Variants in SEMA6A observed in about 807,000 individuals in gnomAD.
SEMA6A encodes the protein semaphorin 6A.
Under a neutral mutation model 96.8 loss-of-function variants are expected in SEMA6A, and 25 were observed. That is an observed-to-expected ratio of 0.26 (90% CI 0.19 to 0.36). The LOEUF (loss-of-function observed/expected upper bound fraction) is 0.36, where lower values mean the gene tolerates loss of function less well. Ranked by LOEUF, SEMA6A falls within the 10% of genes least tolerant of loss-of-function variation. The probability of loss-of-function intolerance (pLI) is 1.00; values close to 1 mark genes in which losing one functional copy is unlikely to be tolerated. For missense variants in SEMA6A, 1,363 were observed against 1,323.1 expected (o/e 1.03, Z -0.47); for synonymous variants, 612 against 518.0 (o/e 1.18, Z -2.46).
At chr5:116,470,556 A>T (rs1271895387) in intron 17 of SEMA6A, among the ~76,000 whole-genome samples, 2 of 152,224 alleles carry the variant, frequency 1.3e-5, no homozygotes, top group Non-Finnish European at 2.9e-5. Flanking sequence ...CTAACCTATT[A>T]ACAATGTTTG....
chr5:116,491,796 C>A lies in SEMA6A; in HGVS notation c.479G>T (p.Ser160Ile). 1 of 1,613,706 alleles carries A rather than the reference C, an allele frequency of 6.2e-7. No homozygotes were observed. The highest frequency in any genetic ancestry group is 8.5e-7 in the Non-Finnish European group (1 of 1,179,652). Residue 160 changes from serine (S) to isoleucine (I), a missense_variant, in exon 7 of 19, where the codon AGC becomes ATC. By Grantham distance (142) the Ser-to-Ile change is moderately radical. Coordinates refer to ENST00000343348, the MANE Select transcript of SEMA6A (RefSeq NM_020796.5). The stretch of plus-strand genomic sequence containing the variant: ...ATCATATGGGCATCTGGCCATTCCG[C>A]TGAATTCATCCCCGAATGGTTCCAA... Reference protein sequence around the residue: ...DTLEPFGDEFSGMARCPYDAK... With the variant: ...DTLEPFGDEFIGMARCPYDAK...
intron 1 of SEMA6A, among the ~76,000 whole-genome samples, chr5:116,532,298 G>A (rs1239792667): frequency 1.3e-5 from 2 of 152,100 alleles, no homozygotes; most frequent in Non-Finnish European, 1.5e-5. Context: ...AAGCAACTGG[G>A]GGCCTTCGGT....
intron 17 of SEMA6A, chr5:116,471,050 T>C (rs1756105465): frequency 6.6e-6 from 1 of 152,196 alleles, no homozygotes; most frequent in Admixed American, 6.5e-5. Context: ...TTTTAAAAAG[T>C]TGCCAATATT....
In SEMA6A at chr5:116,488,987, T is replaced by C. The variant is rs1238187753; in HGVS notation, c.556A>G (p.Thr186Ala). Residue 186 changes from threonine to alanine, a missense_variant, in exon 8 of 19, where the codon ACA becomes GCA. Physicochemically the swap from Thr to Ala is moderately conservative, Grantham distance 58 (BLOSUM62 0). Transcript: ENST00000343348. ...TCAATGGCAAGGAAGTCAGTCACTG[T>C]GGCTGAGTATAGTTTTCCATCTTAG... ...LFADGKLYSA[T>A]VTDFLAIDAV... 5.1e-6 allele frequency: 8 copies of C among 1,573,618 alleles called. No individual in the cohort carries two copies. In the Admixed American group the frequency reaches 1.5e-4, roughly 29 times the overall value.
chr5:116,473,063 T>C lies in SEMA6A; in HGVS notation c.1729+10A>G. ...CCAGTATGGAATTATGAGAGTAATA[T>C]CTTCCTTACCATTCAGTGCCACAAA... On this transcript the variant is annotated intron_variant, in intron 17 of 18. Transcript: ENST00000343348. The C allele has an allele frequency of 6.3e-7, 1 of 1,591,700 alleles. No homozygotes were observed. The highest frequency in any genetic ancestry group is 1.3e-5 in the African/African-American group (1 of 74,730).
intron 18 of SEMA6A, among the ~76,000 whole-genome samples, chr5:116,457,818 A>G (rs1212662736): frequency 1.3e-5 from 2 of 152,182 alleles, no homozygotes; most frequent in Non-Finnish European, 2.9e-5. Flanking sequence ...AGAGAAGCCC[A>G]TACACTTTGC....
chr5:116,528,823 C>A (rs1759341144), intron 1 of SEMA6A, among the ~76,000 whole-genome samples: 1 of 152,154 alleles, frequency 6.6e-6, no homozygotes, highest in African/African-American at 2.4e-5. Context: ...TTATATCCAG[C>A]CTGATAATCA....
chr5:116,542,594 A>T (rs1760017501), intron 1 of SEMA6A, among the ~76,000 whole-genome samples: 1 of 152,240 alleles, frequency 6.6e-6, no homozygotes, highest in Non-Finnish European at 1.5e-5. Context: ...CAAAATTTAG[A>T]AACCCAAAAA....
At chr5:116,514,078 A>T (rs756544131) in intron 1 of SEMA6A, among the ~76,000 whole-genome samples, 1 of 152,188 alleles carries the variant, frequency 6.6e-6, no homozygotes, top group Admixed American at 6.5e-5. Flanking sequence ...GAACAATAGC[A>T]GTGCTGCACT....
At chr5:116,534,225 C>T (rs769731400) in intron 1 of SEMA6A, among the ~76,000 whole-genome samples, 1 of 152,216 alleles carries the variant, frequency 6.6e-6, no homozygotes, top group Non-Finnish European at 1.5e-5. Flanking sequence ...TTGATTCTTC[C>T]TAAATTTAAC....
At position 116,447,700 on chromosome 5, in the gene SEMA6A, G is replaced by A; in HGVS notation, c.2006C>T (p.Thr669Ile). Residue 669 changes from threonine to isoleucine, a missense_variant, in exon 19 of 19, where the codon ACC becomes ATC. Physicochemically the swap from Thr to Ile is moderately conservative, Grantham distance 89. Around this residue, in one of 2 missense-constraint regions of SEMA6A, gnomAD observed 883 missense variants for 763.6 expected, o/e 1.16. Coordinates refer to ENST00000343348, the MANE Select transcript of SEMA6A (RefSeq NM_020796.5). ...FVMGAVFSGITVYCVCDHRRK... is the reference protein window; with the variant it reads ...FVMGAVFSGIIVYCVCDHRRK... ...CCGATGATCACAGACGCAGTAGACG[G>A]TGATGCCCGAGAAGACGGCCCCCAT... 3.7e-6 allele frequency: 6 copies of A among 1,614,008 alleles called. No individual in the cohort carries two copies. Among genetic ancestry groups the A allele is most frequent in the Non-Finnish European group, 4.2e-6 (5 of 1,179,882 alleles).
At chr5:116,470,000 A>G (rs1361811002) in intron 17 of SEMA6A, among the ~76,000 whole-genome samples, 2 of 152,192 alleles carry the variant, frequency 1.3e-5, no homozygotes, top group East Asian at 3.8e-4. Context: ...GATTTACTGG[A>G]AAGAAAAAAC....
intron 18 of SEMA6A, among the ~76,000 whole-genome samples, chr5:116,463,603 TTC>T (rs1475873309): frequency 2.6e-5 from 4 of 152,344 alleles, no homozygotes; most frequent in Admixed American, 2.6e-4. Context: ...CTAATTTAAA[TTC>T]TGTTTCTGTA....
At chr5:116,570,118 TC>T (rs1761149944) in intron 1 of SEMA6A, among the ~76,000 whole-genome samples, 1 of 152,214 alleles carries the variant, frequency 6.6e-6, no homozygotes, top group Non-Finnish European at 1.5e-5. Flanking sequence ...CCTGAACTCC[TC>T]CCCTTGAGGT....
At chr5:116,470,961 A>G (rs1476547317) in intron 17 of SEMA6A, among the ~76,000 whole-genome samples, 2 of 152,214 alleles carry the variant, frequency 1.3e-5, no homozygotes, top group African/African-American at 4.8e-5. Flanking sequence ...TAGTTGCTCA[A>G]CAAGTATTTG....
chr5:116,462,832 T>C (rs900687385), intron 18 of SEMA6A, among the ~76,000 whole-genome samples: 3 of 152,204 alleles, frequency 2.0e-5, no homozygotes, highest in Admixed American at 6.5e-5. Context: ...GTCATTCAAC[T>C]ACCAATACTA....
chr5:116,538,987 G>T (rs554473648), intron 1 of SEMA6A, among the ~76,000 whole-genome samples: 1 of 152,078 alleles, frequency 6.6e-6, no homozygotes, highest in East Asian at 1.9e-4. Context: ...ATTTTTCACT[G>T]GAAGTAATTC....
chr5:116,512,397 C>CA (rs1438788091), intron 1 of SEMA6A, among the ~76,000 whole-genome samples: 1 of 152,126 alleles, frequency 6.6e-6, no homozygotes, highest in Non-Finnish European at 1.5e-5. Flanking sequence ...GACATAAAAG[C>CA]ACCCATTTTG....
Position 116,486,790 on chromosome 5 carries a change from C to T in SEMA6A, c.921G>A (p.Gly307=), listed in dbSNP as rs1380578570. 6.2e-7 allele frequency: 1 copy of T among 1,613,734 alleles called. No individual in the cohort carries two copies. Among genetic ancestry groups the T allele is most frequent in the Admixed American group, 1.7e-5 (1 of 59,996 alleles). Residue 307 remains glycine (G), a synonymous_variant, in exon 10 of 19, where the codon GGG becomes GGA. Coordinates refer to ENST00000343348, the MANE Select transcript of SEMA6A (RefSeq NM_020796.5). ...AAAACGTTGCCAGGACAACATCACG[C>T]CCGTTGATACGAATCACATCTGTAA... ...QAVTDVIRIN[G]RDVVLATFST...
Sources: gnomAD v4.1 joint callset for allele counts (sites outside exome capture counted in the v4.1 genomes callset) on GRCh38, gnomAD v4.1.1 for gene constraint, gnomAD v4.1.1 regional missense constraint, MANE v1.5 for transcripts, NCBI Gene and HGNC (gene_info 2026-07-23, HGNC 2026-07-21) for gene names.